Variants in LIG4 observed in about 807,000 individuals in gnomAD.
LIG4 encodes the protein DNA joinase.
A neutral mutation model predicts 19.0 loss-of-function variants in LIG4; 13 were observed. The ratio of observed to expected loss-of-function variants is 0.68; its 90% CI spans 0.44 to 1.09. LIG4 has a LOEUF of 1.09. Among genes scored for constraint, LIG4 ranks in the 50% least tolerant of loss-of-function variants. The probability of loss-of-function intolerance (pLI) is 0.00; values close to 1 mark genes in which losing one functional copy is unlikely to be tolerated. For missense variants in LIG4, 1,026 were observed against 1,089.7 expected, an observed-to-expected ratio of 0.94 and a Z score of 0.82; for synonymous variants, 361 against 358.2, an observed-to-expected ratio of 1.01 and a Z score of -0.09.
At chr13:108,212,724 T>G (rs1025233647) in intron 2 of LIG4, among the ~76,000 whole-genome samples, 1 of 150,958 alleles carries the variant, frequency 6.6e-6, no homozygotes, top group Non-Finnish European at 1.5e-5. Context: ...TTATCTAGTA[T>G]CCAGTAAAAT....
rs1878641172 is a variant in LIG4, at chr13:108,211,289, T to C, written c.-21A>G. ...GCCATCAAAGCGGTGATGAATCTTC[T>C]CGTTTAACTAGTAAAGCAAAAAGAG... is the stretch of plus-strand genomic sequence containing the variant. On this transcript the variant is annotated 5_prime_UTR_variant, in exon 3 of 3. Coordinates refer to ENST00000442234, the MANE Select transcript of LIG4 (RefSeq NM_206937.2). The C allele has an allele frequency of 1.5e-5, 23 of 1,555,302 alleles. No individual in the cohort carries two copies. Among genetic ancestry groups the C allele is most frequent in the Non-Finnish European group, 1.9e-5 (21 of 1,129,266 alleles).
At position 108,209,127 on chromosome 13, in the gene LIG4, C is replaced by A; in HGVS notation, c.2142G>T (p.Leu714Phe). The A allele has an allele frequency of 6.2e-7, 1 of 1,614,096 alleles. No homozygotes were observed. The highest frequency in any genetic ancestry group is 8.5e-7 in the Non-Finnish European group (1 of 1,180,004). ...GCTTGACAACATCATGTTTATTTGA[C>A]AAAATTATGTTTTTCACTCTGATGT... ...SENIRVKNIILSNKHDVVKPA... is the reference protein window; with the variant it reads ...SENIRVKNIIFSNKHDVVKPA... Residue 714 changes from leucine (L) to phenylalanine (F), a missense_variant, in exon 3 of 3, where the codon TTG (leucine) becomes TTT (phenylalanine). By Grantham distance (22) the Leu-to-Phe change is conservative (BLOSUM62 0). Transcript: ENST00000442234.
chr13:108,209,827 G>A lies in LIG4; in HGVS notation c.1442C>T (p.Ser481Phe), dbSNP rs1456438377. Residue 481 changes from serine to phenylalanine, a missense_variant, in exon 3 of 3, where the codon TCT (serine) becomes TTT (phenylalanine). Physicochemically the swap from Ser to Phe is radical, Grantham distance 155. Coordinates refer to ENST00000442234, the MANE Select transcript of LIG4 (RefSeq NM_206937.2). ...WGKGSRGGMM[S>F]HFLCAVAEKP... The stretch of plus-strand genomic sequence containing the variant: ...CTCTGCTACTGCACACAGAAAATGA[G>A]ACATCATTCCACCCCGTGATCCTTT... 7 of 1,614,088 alleles carry A rather than the reference G, an allele frequency of 4.3e-6. No homozygotes were observed. Among genetic ancestry groups the A allele is most frequent in the Non-Finnish European group, 5.9e-6 (7 of 1,179,994 alleles).
chr13:108,208,614 C>CTT lies in LIG4; in HGVS notation c.2653_2654dup (p.Phe886SerfsTer5), dbSNP rs1566358822. The CTT allele has an allele frequency of 1.9e-6, 3 of 1,612,962 alleles. No individual in the cohort carries two copies. The highest frequency in any genetic ancestry group is 2.7e-5 in the African/African-American group (2 of 74,812). ...CCCAACTTTCTTTTAGGATTTTAAA[C>CTT]TTTCTCTTAAAAGTTCTTCTAAAAG... is the stretch of plus-strand genomic sequence containing the variant. On this transcript the variant is annotated frameshift_variant, in exon 3 of 3. Transcript: ENST00000442234. LOFTEE classifies it high-confidence loss of function.
At chr13:108,217,615 T>C (rs941406406), upstream of LIG4, among the ~76,000 whole-genome samples, 10 of 150,748 alleles carry the variant, frequency 6.6e-5, no homozygotes, top group Non-Finnish European at 1.2e-4. Context: ...GAGAATCGCT[T>C]GAACCAGGGA....
In LIG4 at chr13:108,208,303, A is replaced by T. The variant is rs536126735; in HGVS notation, c.*230T>A. On this transcript the variant is annotated 3_prime_UTR_variant, in exon 3 of 3. Coordinates refer to ENST00000442234, the MANE Select transcript of LIG4 (RefSeq NM_206937.2). ...TCTTTAGACTGTTTATTTCACCTTG[A>T]TCATAAAAAATCATTGAATACTACA... is the stretch of plus-strand genomic sequence containing the variant. 3.6e-5 allele frequency: 16 copies of T among 440,464 alleles called. No homozygotes were observed. The Admixed American group carries it at 6.5e-4, about 18-fold the overall frequency. The allele number at this position is 440,464 out of a possible 1,614,324, so 27.3% of individuals were successfully genotyped here. A position where few individuals can be genotyped will look rare whatever the true frequency, so the allele number is the denominator to read the frequency against.
At position 108,210,691 on chromosome 13, in the gene LIG4, T is replaced by G; in HGVS notation, c.578A>C (p.Asp193Ala). 1 of 1,613,900 alleles carries G rather than the reference T, an allele frequency of 6.2e-7. No homozygotes were observed. Among genetic ancestry groups the G allele is most frequent in the South Asian group, 1.1e-5 (1 of 91,078 alleles). The change falls in exon 3 of 3, where the codon GAT (aspartate) becomes GCT (alanine). Residue 193 changes from aspartate to alanine, a missense_variant. Physicochemically the swap from Asp to Ala is moderately radical, Grantham distance 126. This residue lies in a region of LIG4 where 493 missense variants were observed against 544.5 expected (regional missense o/e 0.91). Coordinates refer to ENST00000442234, the MANE Select transcript of LIG4 (RefSeq NM_206937.2). Reference sequence around the variant, plus strand: ...TTGCTGACTAACACCAAGCTTTAAATCCTTTATGATCATCCGTATAAGCCA... The same window carrying G: ...TTGCTGACTAACACCAAGCTTTAAAGCCTTTATGATCATCCGTATAAGCCA... ...QKWLIRMIIK[D>A]LKLGVSQQTI...
rs1878808288 is a variant in LIG4, at chr13:108,212,819, T to C, written c.-28-1523A>G. On this transcript the variant is annotated intron_variant, in intron 2 of 2. Transcript: ENST00000442234. ...AATTGTGCTGTAATTTGTGCTCTAG[T>C]GGCAGACATGTAGGAGGTTTGCTGA... 2.0e-5 allele frequency among the ~76,000 whole-genome samples: 3 copies of C among 152,004 alleles called. No homozygotes were observed. The East Asian group carries it at 5.8e-4, about 29-fold the overall frequency.
chr13:108,208,485 G>T lies in LIG4; in HGVS notation c.*48C>A. 8.6e-7 allele frequency: 1 copy of T among 1,165,850 alleles called. No individual in the cohort carries two copies. Among genetic ancestry groups the T allele is most frequent in the Non-Finnish European group, 1.3e-6 (1 of 783,682 alleles). The allele number at this position is 1,165,850 out of a possible 1,614,324, so 72.2% of individuals were successfully genotyped here. ...TAGTATTTTATCATTACCACCTGCT[G>T]CAATGAGTCTGCCAGATCAGAGGCT... On this transcript the variant is annotated 3_prime_UTR_variant, in exon 3 of 3. Coordinates refer to ENST00000442234, the MANE Select transcript of LIG4 (RefSeq NM_206937.2).
rs104894418 is a variant in LIG4, at chr13:108,209,531, G to A, written c.1738C>T (p.Arg580Ter). 16 of 1,613,954 alleles carry A rather than the reference G, an allele frequency of 9.9e-6. No homozygotes were observed. The highest frequency in any genetic ancestry group is 1.6e-4 in the Middle Eastern group (1 of 6,084). The change falls in exon 3 of 3, where the codon CGA (arginine) becomes TGA (stop). Residue 580 changes from arginine (R) to a stop codon, truncating the protein, a stop_gained. Coordinates refer to ENST00000442234, the MANE Select transcript of LIG4 (RefSeq NM_206937.2). LOFTEE classifies it low-confidence loss of function (END_TRUNC). The stretch of plus-strand genomic sequence containing the variant: ...TTGTCATCTCTTATCTTTTCAATTC[G>A]TGGAAAACGCAAGGTGCAGCCAGTT... ...YKTGCTLRFP[R>*]IEKIRDDKEW...
In LIG4 at chr13:108,208,879, G is replaced by A. The variant is rs373272193; in HGVS notation, c.2390C>T (p.Ala797Val). 1.2e-5 allele frequency: 19 copies of A among 1,613,912 alleles called. No individual in the cohort carries two copies. The African/African-American group carries it at 2.4e-4, about 20-fold the overall frequency. The change falls in exon 3 of 3, where the codon GCT (alanine) becomes GTT (valine). Residue 797 changes from alanine to valine, a missense_variant. By Grantham distance (64) the Ala-to-Val change is moderately conservative (BLOSUM62 0). Transcript: ENST00000442234. ...CCAGGAATACCGATATTCTAAATCA[G>A]CAATCAGAGAAGCCATTTCTTCAGG... ...QTPEEMASLI[A>V]DLEYRYSWDC...
Position 108,210,115 on chromosome 13 carries a change from C to T in LIG4, c.1154G>A (p.Arg385Lys), listed in dbSNP as rs1448386990. The change falls in exon 3 of 3, where the codon AGG (arginine) becomes AAG (lysine). Residue 385 changes from arginine (R) to lysine (K), a missense_variant. By Grantham distance (26) the Arg-to-Lys change is conservative (BLOSUM62 2). Coordinates refer to ENST00000442234, the MANE Select transcript of LIG4 (RefSeq NM_206937.2). ...AAAAATACTACTAAGAATCTCATAC[C>T]TCTTTCTCAGAGTCTCATGCCCTAG... ...KKLGHETLRK[R>K]YEILSSIFTP... 6.2e-7 allele frequency: 1 copy of T among 1,613,564 alleles called. No individual in the cohort carries two copies. The highest frequency in any genetic ancestry group is 8.5e-7 in the Non-Finnish European group (1 of 1,179,916).
chr13:108,214,099 AC>A (rs1162256535), intron 2 of LIG4, among the ~76,000 whole-genome samples: 1 of 152,206 alleles, frequency 6.6e-6, no homozygotes, highest in Admixed American at 6.5e-5. Flanking sequence ...ATGAAAATAA[AC>A]CGGCAGGTTT....
In LIG4 at chr13:108,209,941, C is replaced by T; in HGVS notation, c.1328G>A (p.Arg443Lys). Residue 443 changes from arginine to lysine, a missense_variant, in exon 3 of 3, where the codon AGA becomes AAA. Around this residue, in one of 3 missense-constraint regions of LIG4, gnomAD observed 493 missense variants for 544.5 expected, o/e 0.91. Transcript: ENST00000442234. ...QPLSIYKPDK[R>K]GEGWLKIKPE... ...TTTAATTTTTAACCACCCTTCACCT[C>T]TTTTGTCTGGCTTGTAGATGGATAG... 6.2e-7 allele frequency: 1 copy of T among 1,613,982 alleles called. No homozygotes were observed. Among genetic ancestry groups the T allele is most frequent in the Non-Finnish European group, 8.5e-7 (1 of 1,180,010 alleles).
chr13:108,210,359 C>G lies in LIG4; in HGVS notation c.910G>C (p.Ala304Pro). 1 of 1,613,892 alleles carries G rather than the reference C, an allele frequency of 6.2e-7. No individual in the cohort carries two copies. The highest frequency in any genetic ancestry group is 1.3e-5 in the African/African-American group (1 of 75,028). ...NGYNYTDQFG[A>P]SPTEGSLTPF... is the part of the protein sequence containing the mutation. The stretch of plus-strand genomic sequence containing the variant: ...GTAAGAGAACCTTCAGTAGGAGAAG[C>G]ACCAAACTGATCAGTGTAGTTATAT... The change falls in exon 3 of 3, where the codon GCT becomes CCT. Residue 304 changes from alanine to proline, a missense_variant. Ala to Pro is a conservative substitution (Grantham distance 27). Coordinates refer to ENST00000442234, the MANE Select transcript of LIG4 (RefSeq NM_206937.2).
upstream of LIG4, among the ~76,000 whole-genome samples, chr13:108,216,991 C>T (rs1035841257): frequency 4.1e-4 from 62 of 152,188 alleles, no homozygotes; most frequent in African/African-American, 1.4e-3. Context: ...ATGCTTGGCA[C>T]TTATTCCGTG....
Position 108,209,388 on chromosome 13 carries a change from CTTT to C in LIG4, c.1878_1880del (p.Lys627del). 1.2e-6 allele frequency: 2 copies of C among 1,614,078 alleles called. No individual in the cohort carries two copies. The highest frequency in any genetic ancestry group is 1.1e-5 in the South Asian group (1 of 91,086). ...TCTTCATCTTTGGGGCAGCTTTCCGCTTTTTTTCTTGTGGTTCATCATCACCAC... is the reference window on the plus strand; with the variant it reads ...TCTTCATCTTTGGGGCAGCTTTCCGCTTTTCTTGTGGTTCATCATCACCAC... On this transcript the variant is annotated inframe_deletion, in exon 3 of 3. Coordinates refer to ENST00000442234, the MANE Select transcript of LIG4 (RefSeq NM_206937.2).
chr13:108,210,458 C>A lies in LIG4; in HGVS notation c.811G>T (p.Glu271Ter). ...KDMKHQSFYI[E>*]TKLDGERMQM... ...ATACGTTCACCATCTAGCTTGGTTTCTATGTAGAAACTCTGATGTTTCATA... is the reference window on the plus strand; with the variant it reads ...ATACGTTCACCATCTAGCTTGGTTTATATGTAGAAACTCTGATGTTTCATA... Residue 271 changes from glutamate (E) to a stop codon, truncating the protein, a stop_gained, in exon 3 of 3, where the codon GAA becomes TAA. Coordinates refer to ENST00000442234, the MANE Select transcript of LIG4 (RefSeq NM_206937.2). LOFTEE classifies it low-confidence loss of function (END_TRUNC). 2 of 1,613,388 alleles carry A rather than the reference C, an allele frequency of 1.2e-6. No homozygotes were observed. Among genetic ancestry groups the A allele is most frequent in the Non-Finnish European group, 1.7e-6 (2 of 1,179,938 alleles).
chr13:108,210,981 C>G lies in LIG4; in HGVS notation c.288G>C (p.Leu96Phe). Residue 96 changes from leucine (L) to phenylalanine (F), a missense_variant, in exon 3 of 3, where the codon TTG becomes TTC. Coordinates refer to ENST00000442234, the MANE Select transcript of LIG4 (RefSeq NM_206937.2). ...ETMLAKLYIE[L>F]LNLPRDGKDA... ...CTTTTCCATCTCTAGGTAAATTAAG[C>G]AACTCAATATAAAGCTTAGCAAGCA... 6.2e-7 allele frequency: 1 copy of G among 1,612,452 alleles called. No individual in the cohort carries two copies. Among genetic ancestry groups the G allele is most frequent in the Non-Finnish European group, 8.5e-7 (1 of 1,179,638 alleles).
Sources: gnomAD v4.1 joint callset for allele counts (sites outside exome capture counted in the v4.1 genomes callset) on GRCh38, gnomAD v4.1.1 for gene constraint, gnomAD v4.1.1 regional missense constraint, MANE v1.5 for transcripts, NCBI Gene and HGNC (gene_info 2026-07-23, HGNC 2026-07-21) for gene names.